The following KCND2 variants were observed in gnomAD, a reference collection of about 807,000 sequenced individuals.
The protein encoded by KCND2 is A-type voltage-gated potassium channel KCND2.
Under a neutral mutation model 54.4 loss-of-function variants are expected in KCND2, and 16 were observed. That is an observed-to-expected ratio of 0.29 (90% CI 0.20 to 0.45). The LOEUF (loss-of-function observed/expected upper bound fraction) is 0.45, where lower values mean the gene tolerates loss of function less well. Ranked by LOEUF, KCND2 falls within the 20% of genes least tolerant of loss-of-function variation. The pLI is 1.00. For missense variants in KCND2, 486 were observed against 824.2 expected, an observed-to-expected ratio of 0.59 and a Z score of 5.02; for synonymous variants, 317 against 310.7, an observed-to-expected ratio of 1.02 and a Z score of -0.21.
chr7:120,739,516 G>C (rs1792913516), intron 2 of KCND2, among the ~76,000 whole-genome samples: 2 of 151,790 alleles, frequency 1.3e-5, no homozygotes, highest in South Asian at 4.2e-4. Context: ...TCAGTATTTT[G>C]AGTGATCTAA....
chr7:120,486,525 T>C (rs1439591783), intron 1 of KCND2, among the ~76,000 whole-genome samples: 2 of 152,014 alleles, frequency 1.3e-5, no homozygotes, highest in Non-Finnish European at 2.9e-5. Flanking sequence ...GGACCAGAGG[T>C]TTACTTTCCT....
intron 1 of KCND2, among the ~76,000 whole-genome samples, chr7:120,479,962 CA>C (rs35246643): frequency 0.011 from 734 of 68,854 alleles, 4 homozygotes; most frequent in African/African-American, 0.018. Flanking sequence ...GTAAGACTGT[CA>C]AAAAAAAAAA....
intron 1 of KCND2, among the ~76,000 whole-genome samples, chr7:120,610,474 T>A (rs1239209986): frequency 6.6e-6 from 1 of 152,044 alleles, no homozygotes; most frequent in Non-Finnish European, 1.5e-5. Flanking sequence ...TGGACTAGTG[T>A]TTGTCTGACT....
chr7:120,443,085 A>G (rs1801966081), intron 1 of KCND2, among the ~76,000 whole-genome samples: 1 of 151,960 alleles, frequency 6.6e-6, no homozygotes, highest in South Asian at 2.1e-4. Context: ...CAACCTAAGA[A>G]ATGGAGTGGT....
intron 2 of KCND2, among the ~76,000 whole-genome samples, chr7:120,735,405 C>T (rs1792858267): frequency 6.6e-6 from 1 of 152,062 alleles, no homozygotes; most frequent in Admixed American, 6.6e-5. Flanking sequence ...GTTTAACTTT[C>T]AACCACCCAT....
Position 120,274,413 on chromosome 7 carries a change from T to C in KCND2, c.-220T>C. 1.6e-6 allele frequency: 1 copy of C among 629,460 alleles called. No homozygotes were observed. The highest frequency in any genetic ancestry group is 4.4e-4 in the Middle Eastern group (1 of 2,296). 39.0% of individuals were successfully genotyped at this position (629,460 alleles called of 1,614,324 possible). ...GTTGAGGGTGATTGTTAGGACGTTG[T>C]ATTTTGTTGCCATTATTCCAAATAC... On this transcript the variant is annotated 5_prime_UTR_variant, in exon 1 of 6. Transcript: ENST00000331113.
intron 1 of KCND2, among the ~76,000 whole-genome samples, chr7:120,730,722 C>T (rs1792796063): frequency 1.3e-5 from 2 of 152,104 alleles, no homozygotes. Context: ...AATCAAAGGA[C>T]CAGAGCTCAG....
intron 1 of KCND2, among the ~76,000 whole-genome samples, chr7:120,546,808 T>A (rs1792047938): frequency 6.6e-6 from 1 of 151,978 alleles, no homozygotes; most frequent in South Asian, 2.1e-4. Flanking sequence ...TAAGTTATAT[T>A]TAGCATATGA....
intron 1 of KCND2, among the ~76,000 whole-genome samples, chr7:120,496,956 C>T (rs6970111): frequency 0.089 from 13,511 of 152,114 alleles, 789 homozygotes; most frequent in African/African-American, 0.18. Context: ...TTATTCGATA[C>T]CATGAAAATA....
At chr7:120,311,319 G>A (rs1799732998) in intron 1 of KCND2, among the ~76,000 whole-genome samples, 1 of 152,108 alleles carries the variant, frequency 6.6e-6, no homozygotes, top group Non-Finnish European at 1.5e-5. Context: ...TATCCAAATT[G>A]CCTTTGTTAT....
chr7:120,413,202 T>C (rs1250405704), intron 1 of KCND2, among the ~76,000 whole-genome samples: 1 of 151,986 alleles, frequency 6.6e-6, no homozygotes, highest in Non-Finnish European at 1.5e-5. Context: ...TTAATAGAAA[T>C]CCACTAAGCA....
In KCND2 at chr7:120,650,492, T is replaced by A. The variant is rs1314270166; in HGVS notation, c.1116-82411T>A. 2.1e-5 allele frequency among the ~76,000 whole-genome samples: 3 copies of A among 143,408 alleles called. No homozygotes were observed. In the South Asian group the frequency reaches 6.6e-4, roughly 31 times the overall value. 94.1% of individuals were successfully genotyped at this position (143,408 alleles called of 152,430 possible). On this transcript the variant is annotated intron_variant, in intron 1 of 5. Transcript: ENST00000331113. The stretch of plus-strand genomic sequence containing the variant: ...AGGTCATTTAAGGACTTCTCTACAC[T>A]GATTATTCTAGTTAGCCATTCGTCT...
intron 1 of KCND2, among the ~76,000 whole-genome samples, chr7:120,347,757 CAAA>C (rs796126641): frequency 8.8e-6 from 1 of 113,366 alleles, no homozygotes. Flanking sequence ...AACTCTGTCT[CAAA>C]AAAAAAAAAA....
intron 1 of KCND2, among the ~76,000 whole-genome samples, chr7:120,288,308 G>GGT (rs1467363658): frequency 7.9e-5 from 12 of 152,000 alleles, no homozygotes; most frequent in African/African-American, 2.9e-4. Flanking sequence ...ATAGTCTTTG[G>GGT]GTATGTTTTT....
At chr7:120,424,695 CAG>C (rs1372495950) in intron 1 of KCND2, among the ~76,000 whole-genome samples, 1 of 152,180 alleles carries the variant, frequency 6.6e-6, no homozygotes, top group Non-Finnish European at 1.5e-5. Context: ...ACTTCATACT[CAG>C]AGTCCACAAA....
At chr7:120,672,786 G>A (rs1198963480) in intron 1 of KCND2, 1 of 152,060 alleles carries the variant, frequency 6.6e-6, no homozygotes, top group African/African-American at 2.4e-5. Context: ...TTTTAAAGAG[G>A]TGATTAATAA....
chr7:120,402,628 A>C (rs927987761), intron 1 of KCND2, among the ~76,000 whole-genome samples: 1 of 152,126 alleles, frequency 6.6e-6, no homozygotes, highest in Non-Finnish European at 1.5e-5. Context: ...CTGAGAGTGA[A>C]ATTTTTCATT....
intron 1 of KCND2, among the ~76,000 whole-genome samples, chr7:120,536,135 G>A (rs535822163): frequency 4.5e-4 from 68 of 152,206 alleles, no homozygotes; most frequent in African/African-American, 1.4e-3. Context: ...CAAGTCACGC[G>A]AATTGTTTGG....
intron 1 of KCND2, among the ~76,000 whole-genome samples, chr7:120,669,108 T>A (rs969804822): frequency 2.6e-5 from 4 of 151,912 alleles, no homozygotes; most frequent in African/African-American, 9.7e-5. Context: ...TAGAAACAAA[T>A]AAATAGGACT....
Sources: allele counts gnomAD v4.1 joint callset (sites outside exome capture counted in the v4.1 genomes callset), GRCh38; gene constraint gnomAD v4.1.1; transcripts MANE v1.5; gene names NCBI Gene and HGNC (gene_info 2026-07-23, HGNC 2026-07-21).